PER1: variants seen among roughly 807,000 people sequenced by gnomAD.
PER1 encodes the protein period circadian regulator 1, also known as period circadian protein homolog 1.
PER1 carries 87 observed loss-of-function variants against 125.9 expected under a neutral mutation model. The ratio of observed to expected loss-of-function variants is 0.69; its 90% CI spans 0.58 to 0.83. The LOEUF (loss-of-function observed/expected upper bound fraction) is 0.83, where lower values mean the gene tolerates loss of function less well. Among genes scored for constraint, PER1 ranks in the 40% least tolerant of loss-of-function variants. The probability of loss-of-function intolerance (pLI) is 0.00; values close to 1 mark genes in which losing one functional copy is unlikely to be tolerated. For synonymous variants in PER1, 801 were observed against 714.7 expected (o/e 1.12, Z -1.93); for missense variants, 1,775 against 1,722.8 (o/e 1.03, Z -0.54).
Position 8,146,414 on chromosome 17 carries a change from C to T in PER1, c.1996G>A (p.Asp666Asn), listed in dbSNP as rs377111904. 2.8e-5 allele frequency: 45 copies of T among 1,613,094 alleles called. No homozygotes were observed. The South Asian group carries it at 2.9e-4, about 10-fold the overall frequency. Residue 666 changes from aspartate to asparagine, a missense_variant, in exon 16 of 23, where the codon GAC (aspartate) becomes AAC (asparagine). By Grantham distance (23) the Asp-to-Asn change is conservative. Coordinates refer to ENST00000317276, the MANE Select transcript of PER1 (RefSeq NM_002616.3). ...GAGACTGGACCTGTCCTCTGCCTGT[C>T]GTCGTCAGAGGCTGAGGAGGTGGTA... ...SYTTSSASDD[D>N]RQRTGPVSVG...
chr17:8,142,073 G>C, intron 21 of PER1, 118 bp from the exon 22 acceptor site: 1 of 1,383,726 alleles, frequency 7.2e-7, no homozygotes, highest in Non-Finnish European at 1.0e-6. Context: ...CCCTAAACTA[G>C]TGCTATGCGA....
At chr17:8,148,608 C>A in intron 8 of PER1, 36 bp downstream of exon 8, 1 of 1,565,924 alleles carries the variant, frequency 6.4e-7, no homozygotes, top group South Asian at 1.2e-5. Flanking sequence ...GTCCTTCCTC[C>A]CAGCCCCCAC....
rs779261081 is a variant in PER1 at position 8,150,769 on chromosome 17, G to A, written c.-63C>T. On this transcript the variant is annotated 5_prime_UTR_variant, in exon 2 of 23. Coordinates refer to ENST00000317276, the MANE Select transcript of PER1 (RefSeq NM_002616.3). ...GAGGCCACCACGGATGCACGAGGGG[G>A]CCTGGAGGCTTGGCTGAGGGAGTGA... 6.9e-6 allele frequency: 10 copies of A among 1,447,202 alleles called. No individual in the cohort carries two copies. The highest frequency in any genetic ancestry group is 8.3e-6 in the Non-Finnish European group (9 of 1,089,618). 89.6% of individuals were successfully genotyped at this position (1,447,202 alleles called of 1,614,324 possible).
intron 1 of PER1, among the ~76,000 whole-genome samples, chr17:8,151,525 C>T (rs757274467): frequency 6.6e-6 from 1 of 152,150 alleles, no homozygotes; most frequent in Non-Finnish European, 1.5e-5. Flanking sequence ...CTATTAGGAT[C>T]CCAGGGTTGG....
At position 8,143,345 on chromosome 17, in the gene PER1, GC is replaced by G. The variant is rs1480200779; in HGVS notation, c.2992del (p.Ala998LeufsTer124). The stretch of plus-strand genomic sequence containing the variant: ...GCTCCCAGGGCCTCCTGCAACAGCA[GC>G]CCCCTCAGCACGGGGGAGCTCCTCC... Reference protein sequence around the residue: ...QLEELPRAEGAAVAGGPGSSA... With the variant: ...QLEELPRAEGXAVAGGPGSSA... On this transcript the variant is annotated frameshift_variant, in exon 19 of 23. Coordinates refer to ENST00000317276, the MANE Select transcript of PER1 (RefSeq NM_002616.3). LOFTEE classifies it high-confidence loss of function. 1.9e-6 allele frequency: 3 copies of G among 1,610,644 alleles called. No homozygotes were observed. Among genetic ancestry groups the G allele is most frequent in the East Asian group, 2.2e-5 (1 of 44,780 alleles).
rs138749305 is a variant in PER1, at chr17:8,141,840, G to A, written c.3565C>T (p.Arg1189Trp). 168 of 1,613,778 alleles carry A rather than the reference G, an allele frequency of 1.0e-4. 3 individuals are homozygous for A. The South Asian group carries it at 1.5e-3, about 14-fold the overall frequency. Reference protein sequence around the residue: ...RELGAVHSWVRKGQLPRALDV... With the variant: ...RELGAVHSWVWKGQLPRALDV... Reference sequence around the variant, plus strand: ...AGAGCCCGAGGCAGTTGGCCCTTCCGGACCCAGGAGTGCACAGCACCCAGT... The same window carrying A: ...AGAGCCCGAGGCAGTTGGCCCTTCCAGACCCAGGAGTGCACAGCACCCAGT... Residue 1189 changes from arginine to tryptophan, a missense_variant, in exon 22 of 23, where the codon CGG becomes TGG. Coordinates refer to ENST00000317276, the MANE Select transcript of PER1 (RefSeq NM_002616.3).
rs1338130017 is a variant in PER1 at position 8,140,732 on chromosome 17, C to T, written c.*336G>A. 1.3e-5 allele frequency: 4 copies of T among 299,982 alleles called. No homozygotes were observed. Among genetic ancestry groups the T allele is most frequent in the African/African-American group, 8.3e-5 (4 of 48,476 alleles). 18.6% of individuals were successfully genotyped at this position (299,982 alleles called of 1,614,324 possible). ...GTCTCCCCGCAATAAATAAGTGCAG[C>T]CCCAACCCTCAAGAGTCAGATTCAG... On this transcript the variant is annotated 3_prime_UTR_variant, in exon 23 of 23. Coordinates refer to ENST00000317276, the MANE Select transcript of PER1 (RefSeq NM_002616.3).
At chr17:8,144,149 T>G in intron 18 of PER1, 3 of 481,022 alleles carry the variant, frequency 6.2e-6, no homozygotes, top group African/African-American at 2.0e-5. Context: ...GGAGGCATGC[T>G]GGCAGATGGA....
chr17:8,149,673 G>A lies in PER1; in HGVS notation c.652-10C>T, dbSNP rs370338628. The stretch of plus-strand genomic sequence containing the variant: ...CCACTGAGAAGGTATCCTGGCAGGA[G>A]GGGGAGAGCAAGAGCAGATTCAAGA... On this transcript the variant is annotated splice_polypyrimidine_tract_variant and intron_variant, in intron 5 of 22. Coordinates refer to ENST00000317276, the MANE Select transcript of PER1 (RefSeq NM_002616.3). The A allele has an allele frequency of 1.2e-5, 19 of 1,609,496 alleles. No individual in the cohort carries two copies. The African/African-American group carries it at 1.9e-4, about 16-fold the overall frequency.
At chr17:8,142,610 C>T in intron 20 of PER1, 39 bp downstream of exon 20, 9 of 1,602,762 alleles carry the variant, frequency 5.6e-6, no homozygotes, top group Non-Finnish European at 5.1e-6. Flanking sequence ...TCCCCAATCA[C>T]TGCCCTACCC....
intron 22 of PER1, 53 bp from the exon 23 acceptor site, chr17:8,141,393 C>T: frequency 6.5e-7 from 1 of 1,533,496 alleles, no homozygotes; most frequent in East Asian, 2.3e-5. Flanking sequence ...CACTGCTAAC[C>T]TGCCAGCGCA....
chr17:8,144,705 C>A (rs764651884), intron 18 of PER1, 46 bp downstream of exon 18: 8 of 1,540,986 alleles, frequency 5.2e-6, no homozygotes, highest in Non-Finnish European at 1.7e-6. Flanking sequence ...ACAATCCAGT[C>A]CTAGACTGGG....
chr17:8,141,213 C>G lies in PER1; in HGVS notation c.3728G>C (p.Gly1243Ala). 1 of 1,614,212 alleles carries G rather than the reference C, an allele frequency of 6.2e-7. No homozygotes were observed. Among genetic ancestry groups the G allele is most frequent in the Non-Finnish European group, 8.5e-7 (1 of 1,180,038 alleles). ...GCAGCCCTCTCCCTCACCACTGCCG[C>G]CACCGCTGCTGCCCTGCTCGCCTCC... is the stretch of plus-strand genomic sequence containing the variant. Reference protein sequence around the residue: ...EGGGEQGSSGGGSGEGEGCEE... With the variant: ...EGGGEQGSSGAGSGEGEGCEE... The change falls in exon 23 of 23, where the codon GGC becomes GCC. Residue 1243 changes from glycine (G) to alanine (A), a missense_variant. By Grantham distance (60) the Gly-to-Ala change is moderately conservative. Coordinates refer to ENST00000317276, the MANE Select transcript of PER1 (RefSeq NM_002616.3).
chr17:8,150,572 G>A lies in PER1; in HGVS notation c.135C>T (p.Thr45=), dbSNP rs3027176. 8.5e-4 allele frequency: 1,373 copies of A among 1,614,070 alleles called. 17 individuals are homozygous for A. The African/African-American group carries it at 0.016, about 19-fold the overall frequency. The change falls in exon 2 of 23, where the codon ACC becomes ACT. Residue 45 remains threonine (T), a synonymous_variant. Coordinates refer to ENST00000317276, the MANE Select transcript of PER1 (RefSeq NM_002616.3). ...CACTTGAACCATTGCTGTTGGCATC[G>A]GTGTCATCGGCCAGGCTGGGGCCTG... ...PCPGPSLADD[T]DANSNGSSGN...
At position 8,150,730 on chromosome 17, in the gene PER1, ACAG is replaced by A; in HGVS notation, c.-27_-25del. On this transcript the variant is annotated 5_prime_UTR_variant, in exon 2 of 23. Transcript: ENST00000317276. ...ATGTCTGGGCCATGGGGAGAACAGA[ACAG>A]AGAAGGCAGAGAGGCCACCACGGAT... The A allele has an allele frequency of 6.6e-7, 1 of 1,510,776 alleles. No homozygotes were observed. The highest frequency in any genetic ancestry group is 8.8e-7 in the Non-Finnish European group (1 of 1,138,030). The allele number at this position is 1,510,776 out of a possible 1,614,324, so 93.6% of individuals were successfully genotyped here. A position where few individuals can be genotyped will look rare whatever the true frequency, so the allele number is the denominator to read the frequency against.
Position 8,150,088 on chromosome 17 carries a change from G to A in PER1, c.412C>T (p.Leu138Phe), listed in dbSNP as rs1223362021. 5.0e-6 allele frequency: 8 copies of A among 1,614,116 alleles called. No homozygotes were observed. The East Asian group carries it at 1.8e-4, about 36-fold the overall frequency. The change falls in exon 4 of 23, where the codon CTC becomes TTC. Residue 138 changes from leucine (L) to phenylalanine (F), a missense_variant. Transcript: ENST00000317276. Reference sequence around the variant, plus strand: ...TTGAGCTCTCGAAGTGCTGTCATGAGTTCCTTCTGAGTCCTTGCCCGGGCT... The same window carrying A: ...TTGAGCTCTCGAAGTGCTGTCATGAATTCCTTCTGAGTCCTTGCCCGGGCT... Reference protein sequence around the residue: ...QSARARTQKELMTALRELKLR... With the variant: ...QSARARTQKEFMTALRELKLR...
At chr17:8,148,136 G>A (rs1982578437) in intron 9 of PER1, 33 bp from the exon 10 acceptor site, 18 of 1,611,490 alleles carry the variant, frequency 1.1e-5, no homozygotes, top group Non-Finnish European at 1.4e-5. Flanking sequence ...AGTGGCCGTG[G>A]CCTCAGCCCT....
Position 8,147,827 on chromosome 17 carries a change from A to C in PER1, c.1235T>G (p.Ile412Ser), listed in dbSNP as rs746327241. ...AAAGGGCTGGCCCGCCAACTGCAGA[A>C]CTGATGGAAGTGGGAAAGGAGGAGC... Reference protein sequence around the residue: ...RPLMLAIHKKILQLAGQPFDH... With the variant: ...RPLMLAIHKKSLQLAGQPFDH... The change falls in exon 11 of 23, where the codon ATT (isoleucine) becomes AGT (serine). Residue 412 changes from isoleucine (I) to serine (S), a missense_variant and splice_region_variant. Transcript: ENST00000317276. 2.5e-6 allele frequency: 4 copies of C among 1,613,770 alleles called. No homozygotes were observed. Among genetic ancestry groups the C allele is most frequent in the Non-Finnish European group, 3.4e-6 (4 of 1,179,968 alleles).
Position 8,148,041 on chromosome 17 carries a change from AG to A in PER1, c.1189del (p.Leu397CysfsTer56). On this transcript the variant is annotated frameshift_variant, in exon 10 of 23. Transcript: ENST00000317276. LOFTEE classifies it high-confidence loss of function. The part of the protein sequence containing the change: ...DLLGAPVLLF[L>X]HPEDRPLMLA... ...CATGAGGGGTCGGTCCTCAGGATGC[AG>A]GAACAGGAGCACTGGGGCCCCCAGG... is the stretch of plus-strand genomic sequence containing the variant. 6.2e-7 allele frequency: 1 copy of A among 1,613,192 alleles called. No homozygotes were observed.
Sources: gnomAD v4.1 joint callset for allele counts (sites outside exome capture counted in the v4.1 genomes callset) on GRCh38, gnomAD v4.1.1 for gene constraint, MANE v1.5 for transcripts, NCBI Gene and HGNC (gene_info 2026-07-23, HGNC 2026-07-21) for gene names.